The following MMP26 variants were observed in gnomAD, a reference collection of about 807,000 sequenced individuals.
The protein encoded by MMP26 is matrix metallopeptidase 26, also known as matrix metalloproteinase-26.
In MMP26, 33 loss-of-function variants were observed where a neutral mutation model predicts 31.0. The ratio of observed to expected loss-of-function variants is 1.06; its 90% CI spans 0.81 to 1.42. MMP26 has a LOEUF of 1.42. Among genes scored for constraint, MMP26 ranks in the 40% most tolerant of loss-of-function variants. The pLI, the probability that MMP26 is intolerant of heterozygous loss-of-function variation, is 0.00. For missense variants in MMP26, 347 were observed against 316.1 expected (o/e 1.10, Z -0.74); for synonymous variants, 122 against 114.9 (o/e 1.06, Z -0.40).
intron 2 of MMP26, among the ~76,000 whole-genome samples, chr11:4,915,905 A>G (rs1284839359): frequency 1.3e-5 from 2 of 152,174 alleles, no homozygotes; most frequent in African/African-American, 4.8e-5. Flanking sequence ...TGAAGTGATG[A>G]GCCAAACTGG....
intron 2 of MMP26, chr11:4,908,340 C>T: frequency 6.4e-7 from 1 of 1,566,044 alleles, no homozygotes; most frequent in Non-Finnish European, 8.8e-7. Context: ...AAATTATCAA[C>T]CAGTAGGCAT....
chr11:4,911,019 C>T (rs1850983007), intron 2 of MMP26, among the ~76,000 whole-genome samples: 1 of 152,156 alleles, frequency 6.6e-6, no homozygotes, highest in African/African-American at 2.4e-5. Context: ...TGAAATGTAA[C>T]TGTCTTCTCT....
intron 2 of MMP26, chr11:4,955,834 A>G: frequency 1.5e-6 from 1 of 666,190 alleles, no homozygotes; most frequent in Non-Finnish European, 2.6e-6. Context: ...CAGTGTTAAA[A>G]TTTGTGGCTT....
Position 4,991,238 on chromosome 11 carries a change from G to A in MMP26, c.470-133G>A, listed in dbSNP as rs552374240. 5.7e-5 allele frequency: 64 copies of A among 1,125,278 alleles called. No individual in the cohort carries two copies. The South Asian group carries it at 9.7e-4, about 17-fold the overall frequency. The allele number at this position is 1,125,278 out of a possible 1,614,324, so 69.7% of individuals were successfully genotyped here. ...CACCTTATTTCTCTGCATAGATAAT[G>A]CCTTAGCTCTCTCACATCCCCCAGT... is the stretch of plus-strand genomic sequence containing the variant. On this transcript the variant is annotated intron_variant, in intron 5 of 7. Coordinates refer to ENST00000380390, the MANE Select transcript of MMP26 (RefSeq NM_021801.5).
At chr11:4,723,965 G>A (rs1426516851) in intron 1 of MMP26, 1 of 757,834 alleles carries the variant, frequency 1.3e-6, no homozygotes, top group Non-Finnish European at 2.4e-6. Flanking sequence ...AGCAGGTTCT[G>A]GTTGACTGTG....
rs35526874 is a variant in MMP26 at position 4,956,068 on chromosome 11, C to T, written c.-144-32000C>T. Among the ~76,000 whole-genome samples, 8 of 152,250 alleles carry T rather than the reference C, an allele frequency of 5.3e-5. No individual in the cohort carries two copies. In the South Asian group the frequency reaches 1.2e-3, roughly 24 times the overall value. ...AAATCCTAGTGAATTAACTGGAATG[C>T]TATACTAATTCTTTCTTTCAGATGT... is the stretch of plus-strand genomic sequence containing the variant. On this transcript the variant is annotated intron_variant, in intron 2 of 7. Transcript: ENST00000380390.
chr11:4,723,422 C>T (rs894791868), intron 1 of MMP26: 1 of 1,011,202 alleles, frequency 9.9e-7, no homozygotes, highest in Non-Finnish European at 1.6e-6. Flanking sequence ...TTGTCCATGT[C>T]CAGGGAGCGG....
intron 1 of MMP26, among the ~76,000 whole-genome samples, chr11:4,766,157 C>A (rs1034151832): frequency 3.4e-4 from 52 of 152,134 alleles, no homozygotes; most frequent in Non-Finnish European, 2.9e-5. Context: ...CTAATTTTTG[C>A]TATTCTTCGG....
At chr11:4,923,818 A>T (rs1307251257) in intron 2 of MMP26, 3 of 1,613,924 alleles carry the variant, frequency 1.9e-6, no homozygotes, top group Admixed American at 1.7e-5. Context: ...GAGCCAGCAC[A>T]TGGGAGTGGC....
At chr11:4,914,495 G>A (rs1419244256) in intron 2 of MMP26, 1 of 501,288 alleles carries the variant, frequency 2.0e-6, no homozygotes, top group African/African-American at 1.9e-5. Context: ...TAGAATTATT[G>A]CTGTGGCTAT....
At chr11:4,790,974 C>T (rs1245367053) in intron 2 of MMP26, among the ~76,000 whole-genome samples, 1 of 152,154 alleles carries the variant, frequency 6.6e-6, no homozygotes, top group East Asian at 1.9e-4. Flanking sequence ...TTAACTGCTA[C>T]CTTCGAAGTA....
chr11:4,850,040 G>A (rs1849953384), intron 2 of MMP26, among the ~76,000 whole-genome samples: 1 of 152,076 alleles, frequency 6.6e-6, no homozygotes, highest in Admixed American at 6.6e-5. Context: ...ATACATTGTT[G>A]TTAACTATAG....
At chr11:4,812,716 C>A (rs948711123) in intron 2 of MMP26, among the ~76,000 whole-genome samples, 1 of 152,112 alleles carries the variant, frequency 6.6e-6, no homozygotes, top group Non-Finnish European at 1.5e-5. Flanking sequence ...GTATTTGTTT[C>A]AGGGTGGATG....
intron 2 of MMP26, among the ~76,000 whole-genome samples, chr11:4,888,488 A>G (rs1316143130): frequency 6.6e-6 from 1 of 152,148 alleles, no homozygotes; most frequent in Non-Finnish European, 1.5e-5. Flanking sequence ...AAGAACCATT[A>G]TTTTAGAACA....
intron 1 of MMP26, chr11:4,723,876 GTTGAGGGTC>G: frequency 8.1e-7 from 1 of 1,242,142 alleles, no homozygotes; most frequent in Admixed American, 1.7e-5. Flanking sequence ...CAAACTAGCT[GTTGAGGGTC>G]TTGATCTGCT....
Position 4,961,816 on chromosome 11 carries a change from G to T in MMP26, c.-144-26252G>T, listed in dbSNP as rs117232725. 9.9e-5 allele frequency among the ~76,000 whole-genome samples: 15 copies of T among 152,184 alleles called. No homozygotes were observed. In the South Asian group the frequency reaches 3.1e-3, roughly 32 times the overall value. On this transcript the variant is annotated intron_variant, in intron 2 of 7. Transcript: ENST00000380390. ...TTCAACTTTCTGAATTATGGTATTC[G>T]GGATTGTATCTTTTGAGATTCTGAC...
chr11:4,981,815 GTTTTTTTCT>G lies in MMP26; in HGVS notation c.-144-6238_-144-6230del, dbSNP rs557826734. ...TTCTATAAGCTTTTTATACTTTTAA[GTTTTTTTCT>G]TTTTTTTCTTTTTTAAACTTTTTGT... is the stretch of plus-strand genomic sequence containing the variant. On this transcript the variant is annotated intron_variant, in intron 2 of 7. Coordinates refer to ENST00000380390, the MANE Select transcript of MMP26 (RefSeq NM_021801.5). 2.8e-3 allele frequency among the ~76,000 whole-genome samples: 418 copies of G among 151,338 alleles called. 1 individual carries two copies. The highest frequency in any genetic ancestry group is 9.6e-3 in the African/African-American group (396 of 41,268).
chr11:4,903,940 C>T (rs975450361), intron 2 of MMP26: 1 of 151,962 alleles, frequency 6.6e-6, no homozygotes, highest in Non-Finnish European at 1.5e-5. Context: ...ATATATTATG[C>T]CCTGACGGTT....
At chr11:4,941,814 C>T (rs572017454) in intron 2 of MMP26, among the ~76,000 whole-genome samples, 10 of 151,398 alleles carry the variant, frequency 6.6e-5, no homozygotes, top group East Asian at 3.9e-4. Flanking sequence ...TGCTAGGTGC[C>T]GTGGCTCACG....
Sources: allele counts gnomAD v4.1 joint callset (sites outside exome capture counted in the v4.1 genomes callset), GRCh38; gene constraint gnomAD v4.1.1; transcripts MANE v1.5; gene names NCBI Gene and HGNC (gene_info 2026-07-23, HGNC 2026-07-21).